The following TMEM132B variants were observed in gnomAD, a reference collection of about 807,000 sequenced individuals.
TMEM132B encodes transmembrane protein 132B.
TMEM132B carries 18 observed loss-of-function variants against 90.8 expected under a neutral mutation model. That is an observed-to-expected ratio of 0.20 (90% CI 0.14 to 0.29). The LOEUF (loss-of-function observed/expected upper bound fraction) is 0.29. Among genes scored for constraint, TMEM132B ranks in the 10% least tolerant of loss-of-function variants. The pLI is 1.00. For synonymous variants in TMEM132B, 504 were observed against 523.3 expected, an observed-to-expected ratio of 0.96 and a Z score of 0.50; for missense variants, 1,096 against 1,326.8, an observed-to-expected ratio of 0.83 and a Z score of 2.70.
At chr12:125,457,290 A>G (rs1881317568) in intron 3 of TMEM132B, among the ~76,000 whole-genome samples, 1 of 151,974 alleles carries the variant, frequency 6.6e-6, no homozygotes, top group Non-Finnish European at 1.5e-5. Context: ...GATTTTGCTT[A>G]GTTTGAGGAT....
intron 5 of TMEM132B, among the ~76,000 whole-genome samples, chr12:125,596,670 T>C (rs1885446286): frequency 6.6e-6 from 1 of 152,208 alleles, no homozygotes; most frequent in African/African-American, 2.4e-5. Flanking sequence ...CCCCAAGTGA[T>C]TGCCGTGATA....
At position 125,408,488 on chromosome 12, in the gene TMEM132B, G is replaced by A. The variant is rs377162286; in HGVS notation, c.960-7043G>A. ...GACAGCCGCATCTATAAAAAAGCAA[G>A]CTCTCACCCGGCACTGAAACTGCTG... On this transcript the variant is annotated intron_variant, in intron 2 of 8. Coordinates refer to ENST00000682704, the MANE Select transcript of TMEM132B (RefSeq NM_001366854.1). This position sits in a 1 kb window ranked among gnomAD's most constrained non-coding sequence, Gnocchi z 5.9. Among the ~76,000 whole-genome samples, 3 of 152,172 alleles carry A rather than the reference G, an allele frequency of 2.0e-5. No individual in the cohort carries two copies. Among genetic ancestry groups the A allele is most frequent in the African/African-American group, 4.8e-5 (2 of 41,428 alleles).
chr12:125,402,799 A>G (rs767263066), intron 2 of TMEM132B, among the ~76,000 whole-genome samples: 2 of 152,238 alleles, frequency 1.3e-5, no homozygotes, highest in Non-Finnish European at 2.9e-5. Flanking sequence ...ATGTAATCCC[A>G]TAATTTCAAG....
chr12:125,431,922 C>T (rs1880520814), intron 3 of TMEM132B, among the ~76,000 whole-genome samples: 1 of 152,158 alleles, frequency 6.6e-6, no homozygotes, highest in South Asian at 2.1e-4. Context: ...CTCTGGAAAC[C>T]TCTGGTGACT....
At position 125,349,855 on chromosome 12, in the gene TMEM132B, T is replaced by C; in HGVS notation, c.471T>C (p.Leu157=). The C allele has an allele frequency of 6.2e-7, 1 of 1,613,904 alleles. No individual in the cohort carries two copies. Among genetic ancestry groups the C allele is most frequent in the East Asian group, 2.2e-5 (1 of 44,854 alleles). Residue 157 remains leucine (L), a synonymous_variant, in exon 2 of 9, where the codon CTT becomes CTC. Transcript: ENST00000682704. The surrounding 1 kb of genome is among the most constrained non-coding windows in gnomAD (Gnocchi z 4.1). ...VTGMGWDDSD[L]TEDLPCVKMF... ...GCATGGGCTGGGATGACAGTGACCT[T>C]ACGGAAGATCTACCCTGTGTCAAGA...
chr12:125,325,668 CCTGTGTGTGTGTGTGTGTGTGT>C (rs1195878274), intron 1 of TMEM132B, among the ~76,000 whole-genome samples: 5 of 139,366 alleles, frequency 3.6e-5, no homozygotes, highest in African/African-American at 5.4e-5. Flanking sequence ...TGCCTCCCAC[CCTGTGTGTGTGTGTGTGTGTGT>C]GTGTGTGTGT....
chr12:125,212,008 G>A (rs982559138), intron 1 of TMEM132B, among the ~76,000 whole-genome samples: 1 of 152,248 alleles, frequency 6.6e-6, no homozygotes, highest in African/African-American at 2.4e-5. Context: ...GATCCAGAAT[G>A]TGTGGATTTG....
At chr12:125,202,144 C>T (rs959588215) in intron 1 of TMEM132B, among the ~76,000 whole-genome samples, 5 of 152,246 alleles carry the variant, frequency 3.3e-5, no homozygotes, top group African/African-American at 1.2e-4. Context: ...GGGTTGAGCA[C>T]ATGGCCTAAG....
At chr12:125,252,229 A>G (rs1874333539) in intron 1 of TMEM132B, among the ~76,000 whole-genome samples, 1 of 152,202 alleles carries the variant, frequency 6.6e-6, no homozygotes, top group Admixed American at 6.5e-5. Context: ...GGCCCGGAGG[A>G]GGCAATGGGA....
intron 1 of TMEM132B, among the ~76,000 whole-genome samples, chr12:125,334,453 C>T (rs1159549520): frequency 6.6e-6 from 1 of 152,124 alleles, no homozygotes; most frequent in South Asian, 2.1e-4. Context: ...TCCTTTTCAG[C>T]GGTTAAGTGG....
chr12:125,363,119 T>C (rs1321242560), intron 2 of TMEM132B, among the ~76,000 whole-genome samples: 1 of 152,196 alleles, frequency 6.6e-6, no homozygotes, highest in East Asian at 1.9e-4. Context: ...GCTCAGAGCT[T>C]GGAGCCTGGA....
intron 1 of TMEM132B, among the ~76,000 whole-genome samples, chr12:125,344,872 T>C (rs1877305925): frequency 6.6e-6 from 1 of 151,994 alleles, no homozygotes; most frequent in Non-Finnish European, 1.5e-5. Flanking sequence ...TGGAAATAGA[T>C]GGGAGAACTC....
intron 3 of TMEM132B, among the ~76,000 whole-genome samples, chr12:125,485,223 T>C (rs762499312): frequency 6.6e-6 from 1 of 152,198 alleles, no homozygotes; most frequent in South Asian, 2.1e-4. Flanking sequence ...AACTGACTAA[T>C]TGTGGTTCTA....
intron 3 of TMEM132B, among the ~76,000 whole-genome samples, chr12:125,419,205 G>A (rs1432409382): frequency 6.6e-6 from 1 of 152,206 alleles, no homozygotes; most frequent in Non-Finnish European, 1.5e-5. Context: ...CACCCACGTT[G>A]CTGTAACCCA....
chr12:125,566,028 G>A (rs1163116040), intron 4 of TMEM132B, among the ~76,000 whole-genome samples: 2 of 152,196 alleles, frequency 1.3e-5, no homozygotes, highest in Non-Finnish European at 1.5e-5. Context: ...AGTGCTGTGA[G>A]GAAGGTTTGA....
intron 5 of TMEM132B, among the ~76,000 whole-genome samples, chr12:125,629,780 GTA>G (rs1183619012): frequency 6.6e-6 from 1 of 151,984 alleles, no homozygotes; most frequent in Admixed American, 6.6e-5. Context: ...TGGGTCTGTG[GTA>G]TATGGCTTTT....
At chr12:125,436,530 G>A (rs2345231) in intron 3 of TMEM132B, among the ~76,000 whole-genome samples, 81,239 of 151,746 alleles carry the variant, frequency 0.54, 23,188 homozygotes, top group African/African-American at 0.75. Flanking sequence ...CAGGCAGAAC[G>A]TCGCATGAAG....
At chr12:125,201,193 G>A (rs1209023100) in intron 1 of TMEM132B, among the ~76,000 whole-genome samples, 3 of 152,114 alleles carry the variant, frequency 2.0e-5, no homozygotes, top group Non-Finnish European at 4.4e-5. Context: ...AAAAGTATTG[G>A]GGGAGGAGGT....
intron 4 of TMEM132B, among the ~76,000 whole-genome samples, chr12:125,536,334 C>G (rs1025007642): frequency 6.6e-6 from 1 of 152,208 alleles, no homozygotes; most frequent in Non-Finnish European, 1.5e-5. Context: ...CAGGAAGCTT[C>G]AGTAGGAAGC....
Sources: allele counts gnomAD v4.1 joint callset (sites outside exome capture counted in the v4.1 genomes callset), GRCh38; gene constraint gnomAD v4.1.1; non-coding constraint Gnocchi (gnomAD v3.1); transcripts MANE v1.5; gene names NCBI Gene and HGNC (gene_info 2026-07-23, HGNC 2026-07-21).